ZNF787: variants seen among roughly 807,000 people sequenced by gnomAD.
ZNF787 encodes the protein zinc finger protein 787.
A neutral mutation model predicts 16.9 loss-of-function variants in ZNF787; 7 were observed. That is an observed-to-expected ratio of 0.42 (90% confidence interval 0.24 to 0.78). The LOEUF (loss-of-function observed/expected upper bound fraction) is 0.78, where lower values mean the gene tolerates loss of function less well. ZNF787 is among the 30% of genes least tolerant of loss of function. The pLI is 0.30. For missense variants in ZNF787, 551 were observed against 589.3 expected (o/e 0.94, Z 0.67); for synonymous variants, 345 against 270.9 (o/e 1.27, Z -2.69).
intron 1 of ZNF787, among the ~76,000 whole-genome samples, chr19:56,113,678 G>A (rs1462010914): frequency 1.2e-5 from 1 of 83,576 alleles, no homozygotes; most frequent in Non-Finnish European, 2.7e-5. Flanking sequence ...GCACTTCCCA[G>A]GAACCGGGAC....
chr19:56,109,540 C>T (rs1274960920), intron 1 of ZNF787, among the ~76,000 whole-genome samples: 2 of 152,170 alleles, frequency 1.3e-5, no homozygotes, highest in Non-Finnish European at 2.9e-5. Context: ...GCATAGAAGC[C>T]CTCAGGTCTA....
intron 2 of ZNF787, among the ~76,000 whole-genome samples, chr19:56,091,995 C>CG (rs1417339671): frequency 1.3e-5 from 2 of 148,274 alleles, no homozygotes; most frequent in African/African-American, 5.1e-5. Flanking sequence ...AAACCGAAGC[C>CG]AAACGGAAGC....
At chr19:56,118,443 G>A (rs1235388600) in intron 1 of ZNF787, among the ~76,000 whole-genome samples, 2 of 152,238 alleles carry the variant, frequency 1.3e-5, no homozygotes, top group Non-Finnish European at 2.9e-5. Context: ...CCAACCTGGG[G>A]GCGGAAGGGG....
intron 1 of ZNF787, among the ~76,000 whole-genome samples, chr19:56,115,266 G>A (rs1015044578): frequency 6.6e-6 from 1 of 152,038 alleles, no homozygotes; most frequent in Non-Finnish European, 1.5e-5. Flanking sequence ...TCCCTCTGGC[G>A]GGGTTCAGGA....
At chr19:56,099,251 GCCC>G (rs889183165) in intron 2 of ZNF787, among the ~76,000 whole-genome samples, 28 of 152,294 alleles carry the variant, frequency 1.8e-4, no homozygotes, top group African/African-American at 5.3e-4. Context: ...GCCTTGCCTG[GCCC>G]CCAAGACGGG....
intron 1 of ZNF787, among the ~76,000 whole-genome samples, chr19:56,116,181 C>T (rs2030132539): frequency 6.6e-6 from 1 of 152,114 alleles, no homozygotes; most frequent in Non-Finnish European, 1.5e-5. Context: ...GTGGCTCACA[C>T]CTGTAATCCC....
In ZNF787 at chr19:56,108,830, G is replaced by C. The variant is rs188155023; in HGVS notation, c.-10-5603C>G. Among the ~76,000 whole-genome samples, 184 of 152,284 alleles carry C rather than the reference G, an allele frequency of 1.2e-3. 1 individual carries two copies. In the Middle Eastern group the frequency reaches 0.014, roughly 11 times the overall value. On this transcript the variant is annotated intron_variant, in intron 1 of 2. Coordinates refer to ENST00000610935, the MANE Select transcript of ZNF787 (RefSeq NM_001002836.4). ...GACCCCCGTGGGCTCTGGGTGCCTCGGATGGAAGAGTTCAGGCTAAACTGC... is the reference window on the plus strand; with the variant it reads ...GACCCCCGTGGGCTCTGGGTGCCTCCGATGGAAGAGTTCAGGCTAAACTGC...
intron 2 of ZNF787, among the ~76,000 whole-genome samples, chr19:56,096,127 C>T (rs1985857541): frequency 6.6e-6 from 1 of 152,072 alleles, no homozygotes; most frequent in Non-Finnish European, 1.5e-5. Context: ...GGCACGGTGG[C>T]TCACACTCGT....
intron 2 of ZNF787, among the ~76,000 whole-genome samples, chr19:56,101,105 C>T (rs923284590): frequency 2.0e-5 from 3 of 150,296 alleles, no homozygotes; most frequent in Non-Finnish European, 3.0e-5. Flanking sequence ...CCCCCGCCTA[C>T]GATGTCTGTC....
At chr19:56,096,222 C>T (rs1406376783) in intron 2 of ZNF787, among the ~76,000 whole-genome samples, 2 of 70,906 alleles carry the variant, frequency 2.8e-5, no homozygotes, top group African/African-American at 6.9e-5. Flanking sequence ...AGTGAGACCC[C>T]GTCTCTAAAA....
intron 1 of ZNF787, among the ~76,000 whole-genome samples, chr19:56,119,112 T>C (rs890003973): frequency 1.3e-5 from 2 of 152,166 alleles, no homozygotes; most frequent in Non-Finnish European, 2.9e-5. Flanking sequence ...CCTGCCAGGC[T>C]GCCCAGCACG....
chr19:56,104,503 C>T (rs1172546408), intron 1 of ZNF787, among the ~76,000 whole-genome samples: 5 of 151,412 alleles, frequency 3.3e-5, no homozygotes, highest in South Asian at 2.1e-4. Flanking sequence ...ACCCGTGCCA[C>T]GCACAGTGAG....
At chr19:56,117,871 A>T (rs1465694551) in intron 1 of ZNF787, among the ~76,000 whole-genome samples, 1 of 152,160 alleles carries the variant, frequency 6.6e-6, no homozygotes, top group Admixed American at 6.5e-5. Context: ...ACCACTTCTG[A>T]TGCATCTCTG....
chr19:56,098,657 A>G (rs76633823), intron 2 of ZNF787, among the ~76,000 whole-genome samples: 8,069 of 12,470 alleles, frequency 0.65, 2,908 homozygotes, highest in Non-Finnish European at 0.83. Flanking sequence ...GGGTGATGCC[A>G]CCAGGGTGAT....
intron 2 of ZNF787, among the ~76,000 whole-genome samples, chr19:56,098,389 A>G (rs986857459): frequency 2.6e-5 from 4 of 152,240 alleles, no homozygotes; most frequent in African/African-American, 9.6e-5. Flanking sequence ...GGAGAGGCCC[A>G]AAGACAGGCA....
chr19:56,098,448 ATACGGCCGCAGGGTGAT>A (rs1210681188), intron 2 of ZNF787, among the ~76,000 whole-genome samples: 6 of 151,800 alleles, frequency 4.0e-5, no homozygotes, highest in Non-Finnish European at 7.4e-5. Flanking sequence ...CCGCAGGGTG[ATACGGCCGCAGGGTGAT>A]TACGGCCGCA....
intron 1 of ZNF787, among the ~76,000 whole-genome samples, chr19:56,120,529 G>A (rs1341591226): frequency 1.3e-5 from 2 of 152,212 alleles, no homozygotes; most frequent in Non-Finnish European, 2.9e-5. Flanking sequence ...CGAATGAATG[G>A]GCCTCCTGCC....
Position 56,088,303 on chromosome 19 carries a change from C to T in ZNF787, c.869G>A (p.Gly290Glu). The T allele has an allele frequency of 7.5e-7, 1 of 1,342,192 alleles. No homozygotes were observed. The highest frequency in any genetic ancestry group is 9.5e-7 in the Non-Finnish European group (1 of 1,050,064). The allele number at this position is 1,342,192 out of a possible 1,614,324, so 83.1% of individuals were successfully genotyped here. A position where few individuals can be genotyped will look rare whatever the true frequency, so the allele number is the denominator to read the frequency against. ...YVCLECGKGF[G>E]HGAGLLAHQR... Reference sequence around the variant, plus strand: ...GTGCGCCAGGAGCCCGGCCCCGTGCCCGAAGCCCTTCCCGCACTCCAGACA... The same window carrying T: ...GTGCGCCAGGAGCCCGGCCCCGTGCTCGAAGCCCTTCCCGCACTCCAGACA... The change falls in exon 3 of 3, where the codon GGG becomes GAG. Residue 290 changes from glycine to glutamate, a missense_variant. Coordinates refer to ENST00000610935, the MANE Select transcript of ZNF787 (RefSeq NM_001002836.4). This position sits in a 1 kb window ranked among gnomAD's most constrained non-coding sequence, Gnocchi z 8.6.
In ZNF787 at chr19:56,087,558, CAAAAGGTGGGCTGATT is replaced by C. The variant is rs1568519238; in HGVS notation, c.*449_*464del. Reference sequence around the variant, plus strand: ...TAATGGATTGGGGCGGGCGGGGAGTCAAAAGGTGGGCTGATTAAAAGAAAATTCTAAAAGAGAAAAG... The same window carrying C: ...TAATGGATTGGGGCGGGCGGGGAGTCAAAAGAAAATTCTAAAAGAGAAAAG... On this transcript the variant is annotated 3_prime_UTR_variant, in exon 3 of 3. Transcript: ENST00000610935. 6.5e-6 allele frequency: 1 copy of C among 152,702 alleles called. No homozygotes were observed. Among genetic ancestry groups the C allele is most frequent in the African/African-American group, 2.4e-5 (1 of 41,432 alleles). The allele number at this position is 152,702 out of a possible 1,614,324, so 9.5% of individuals were successfully genotyped here. A position where few individuals can be genotyped will look rare whatever the true frequency, so the allele number is the denominator to read the frequency against.
Sources: allele counts gnomAD v4.1 joint callset (sites outside exome capture counted in the v4.1 genomes callset), GRCh38; gene constraint gnomAD v4.1.1; non-coding constraint Gnocchi (gnomAD v3.1); transcripts MANE v1.5; gene names NCBI Gene and HGNC (gene_info 2026-07-23, HGNC 2026-07-21).